The following DOK5 variants were observed in gnomAD, a reference collection of about 807,000 sequenced individuals.
DOK5 encodes the protein downstream of tyrosine kinase 5.
Under a neutral mutation model 43.3 loss-of-function variants are expected in DOK5, and 27 were observed. The observed-to-expected ratio is 0.62, with a 90% CI of 0.46 to 0.86. DOK5 has a LOEUF of 0.86. Among genes scored for constraint, DOK5 ranks in the 40% least tolerant of loss-of-function variants. DOK5 has a pLI of 0.00. For missense variants in DOK5, 373 were observed against 392.9 expected (o/e 0.95, Z 0.43); for synonymous variants, 146 against 140.1 (o/e 1.04, Z -0.30).
rs550342195 is a variant in DOK5, at chr20:54,558,185, G to A, written c.174+3145G>A. Among the ~76,000 whole-genome samples the A allele has an allele frequency of 2.0e-5, 3 of 152,304 alleles. No individual in the cohort carries two copies. The South Asian group carries it at 6.2e-4, about 32-fold the overall frequency. On this transcript the variant is annotated intron_variant, in intron 2 of 7. Transcript: ENST00000262593. ...GTGGGCAGTGATGGAAGCAGAAAAAGCCAGGATTTGGATGTTTTAGGAGGA... is the reference window on the plus strand; with the variant it reads ...GTGGGCAGTGATGGAAGCAGAAAAAACCAGGATTTGGATGTTTTAGGAGGA...
chr20:54,588,804 G>C lies in DOK5; in HGVS notation c.407G>C (p.Ser136Thr). 6.2e-7 allele frequency: 1 copy of C among 1,613,772 alleles called. No individual in the cohort carries two copies. The change falls in exon 4 of 8, where the codon AGT becomes ACT. Residue 136 changes from serine (S) to threonine (T), a missense_variant and splice_region_variant. Physicochemically the swap from Ser to Thr is moderately conservative, Grantham distance 58. Coordinates refer to ENST00000262593, the MANE Select transcript of DOK5 (RefSeq NM_018431.5). ...GCCACTGGGGTTGAGAGAGAACAGAGTGGTATGTAAAGAAAATTCTCTCCT... is the reference window on the plus strand; with the variant it reads ...GCCACTGGGGTTGAGAGAGAACAGACTGGTATGTAAAGAAAATTCTCTCCT... The part of the protein sequence containing the change: ...LLATGVEREQ[S>T]ERFNVYLMPS...
chr20:54,502,082 C>T (rs902383899), intron 1 of DOK5, among the ~76,000 whole-genome samples: 1 of 152,196 alleles, frequency 6.6e-6, no homozygotes, highest in Non-Finnish European at 1.5e-5. Flanking sequence ...TCATTTGAGT[C>T]AGTTCTGTAC....
chr20:54,602,673 A>G (rs1017374972), intron 5 of DOK5, among the ~76,000 whole-genome samples: 1 of 152,086 alleles, frequency 6.6e-6, no homozygotes, highest in Non-Finnish European at 1.5e-5. Flanking sequence ...TTTGATAACA[A>G]TTTTTTAATG....
intron 1 of DOK5, among the ~76,000 whole-genome samples, chr20:54,491,746 G>A (rs902204905): frequency 2.6e-5 from 4 of 152,162 alleles, no homozygotes; most frequent in Non-Finnish European, 5.9e-5. Flanking sequence ...GGTCTCCGCA[G>A]CATCCCACCA....
In DOK5 at chr20:54,547,761, A is replaced by G. The variant is rs528816581; in HGVS notation, c.67-7172A>G. 2.6e-5 allele frequency among the ~76,000 whole-genome samples: 4 copies of G among 152,356 alleles called. No individual in the cohort carries two copies. In the East Asian group the frequency reaches 7.7e-4, roughly 29 times the overall value. ...TGCTGAATGAGATTTTCATGTAACTACTAAATCTGCTGTCTTTCCACCCAG... is the reference window on the plus strand; with the variant it reads ...TGCTGAATGAGATTTTCATGTAACTGCTAAATCTGCTGTCTTTCCACCCAG... On this transcript the variant is annotated intron_variant, in intron 1 of 7. Transcript: ENST00000262593.
intron 1 of DOK5, among the ~76,000 whole-genome samples, chr20:54,530,620 G>T (rs1373920875): frequency 6.6e-6 from 1 of 152,118 alleles, no homozygotes; most frequent in Non-Finnish European, 1.5e-5. Context: ...GGGCCATCCT[G>T]AGCCCTCATT....
intron 2 of DOK5, among the ~76,000 whole-genome samples, chr20:54,557,405 T>C (rs1211519011): frequency 1.3e-5 from 2 of 152,126 alleles, no homozygotes; most frequent in Non-Finnish European, 2.9e-5. Flanking sequence ...TACACTTCTA[T>C]GAGAATCAGG....
chr20:54,549,098 T>A (rs1384475144), intron 1 of DOK5, among the ~76,000 whole-genome samples: 2 of 152,224 alleles, frequency 1.3e-5, no homozygotes, highest in Non-Finnish European at 2.9e-5. Context: ...GAAGTCTTTG[T>A]CGGCAGCCCC....
intron 1 of DOK5, among the ~76,000 whole-genome samples, chr20:54,532,481 C>T (rs1983810661): frequency 6.6e-6 from 1 of 152,254 alleles, no homozygotes; most frequent in African/African-American, 2.4e-5. Context: ...CACATAGATG[C>T]ATTGCGCCCA....
At chr20:54,507,798 G>A (rs985435707) in intron 1 of DOK5, among the ~76,000 whole-genome samples, 1 of 152,168 alleles carries the variant, frequency 6.6e-6, no homozygotes, top group African/African-American at 2.4e-5. Flanking sequence ...CAAAGCCACT[G>A]GGGCCACACC....
chr20:54,556,162 A>G (rs1984702046), intron 2 of DOK5, among the ~76,000 whole-genome samples: 1 of 152,196 alleles, frequency 6.6e-6, no homozygotes, highest in South Asian at 2.1e-4. Context: ...TAGAGAAGGG[A>G]GTCAAGGGTG....
chr20:54,641,539 T>TATCATCATCATC lies in DOK5; in HGVS notation c.736-1888_736-1877dup, dbSNP rs56910547. Reference sequence around the variant, plus strand: ...TAACATGGGCATTGCAATTTCTAATTATCATCATCATCATCATCATCATCA... The same window carrying TATCATCATCATC: ...TAACATGGGCATTGCAATTTCTAATTATCATCATCATCATCATCATCATCATCATCATCATCA... On this transcript the variant is annotated intron_variant, in intron 6 of 7. Coordinates refer to ENST00000262593, the MANE Select transcript of DOK5 (RefSeq NM_018431.5). Among the ~76,000 whole-genome samples the TATCATCATCATC allele has an allele frequency of 2.3e-5, 3 of 128,748 alleles. No homozygotes were observed. The East Asian group carries it at 7.4e-4, about 32-fold the overall frequency. The allele number at this position is 128,748 out of a possible 152,430, so 84.5% of individuals were successfully genotyped here. A position where few individuals can be genotyped will look rare whatever the true frequency, so the allele number is the denominator to read the frequency against.
chr20:54,639,733 C>G (rs1211721335), intron 6 of DOK5, among the ~76,000 whole-genome samples: 1 of 152,082 alleles, frequency 6.6e-6, no homozygotes, highest in East Asian at 1.9e-4. Context: ...GTGGCTTTAG[C>G]AGAAGGACAT....
At chr20:54,535,986 T>G (rs935480287) in intron 1 of DOK5, among the ~76,000 whole-genome samples, 2 of 152,352 alleles carry the variant, frequency 1.3e-5, no homozygotes, top group Admixed American at 6.5e-5. Context: ...GTATGACTTT[T>G]GCCCACTCAT....
intron 6 of DOK5, among the ~76,000 whole-genome samples, chr20:54,640,430 A>C (rs1241081999): frequency 6.6e-6 from 1 of 152,216 alleles, no homozygotes; most frequent in East Asian, 1.9e-4. Context: ...GGGAGCGGAA[A>C]CCTGCCTACT....
chr20:54,533,942 C>G (rs1983866116), intron 1 of DOK5, among the ~76,000 whole-genome samples: 1 of 152,044 alleles, frequency 6.6e-6, no homozygotes, highest in East Asian at 1.9e-4. Context: ...AGACAGCAAC[C>G]ATACTATAAC....
chr20:54,636,467 G>C (rs556540534), intron 6 of DOK5, among the ~76,000 whole-genome samples: 1 of 152,258 alleles, frequency 6.6e-6, no homozygotes, highest in South Asian at 2.1e-4. Context: ...TGAGATGGCT[G>C]TTCAGATTTT....
At chr20:54,619,125 A>G (rs2146803570) in intron 6 of DOK5, among the ~76,000 whole-genome samples, 1 of 142,790 alleles carries the variant, frequency 7.0e-6, no homozygotes, top group Admixed American at 7.2e-5. Flanking sequence ...TTTTGGCTTT[A>G]GATAGCAGTC....
chr20:54,494,071 T>C (rs1982297347), intron 1 of DOK5, among the ~76,000 whole-genome samples: 1 of 152,260 alleles, frequency 6.6e-6, no homozygotes, highest in South Asian at 2.1e-4. Flanking sequence ...TTTTGATGAT[T>C]TTAGCCTCAC....
Sources: allele counts gnomAD v4.1 joint callset (sites outside exome capture counted in the v4.1 genomes callset), GRCh38; gene constraint gnomAD v4.1.1; transcripts MANE v1.5; gene names NCBI Gene and HGNC (gene_info 2026-07-23, HGNC 2026-07-21).